Variants in FBXL17 observed in about 807,000 individuals in gnomAD.
FBXL17 encodes F-box/LRR-repeat protein 17.
A neutral mutation model predicts 66.2 loss-of-function variants in FBXL17; 22 were observed. The ratio of observed to expected loss-of-function variants is 0.33; its 90% CI spans 0.24 to 0.47. The LOEUF (loss-of-function observed/expected upper bound fraction) is 0.47, where lower values mean the gene tolerates loss of function less well. Among genes scored for constraint, FBXL17 ranks in the 20% least tolerant of loss-of-function variants. The probability of loss-of-function intolerance (pLI) is 1.00; values close to 1 mark genes in which losing one functional copy is unlikely to be tolerated. For missense variants in FBXL17, 878 were observed against 948.2 expected (o/e 0.93, Z 0.97); for synonymous variants, 474 against 400.5 (o/e 1.18, Z -2.19).
In FBXL17 at chr5:108,098,565, C is replaced by CA. The variant is rs751009634; in HGVS notation, c.1746-77565dup. Among the ~76,000 whole-genome samples the CA allele has an allele frequency of 5.3e-5, 8 of 151,680 alleles. 1 individual carries two copies. Among genetic ancestry groups the CA allele is most frequent in the East Asian group, 3.9e-4 (2 of 5,128 alleles). On this transcript the variant is annotated intron_variant, in intron 6 of 8. Transcript: ENST00000542267. ...TCGAGACCATCCTGGCTAACACGGT[C>CA]AAACCCCGTCTCTACTAAAAATACA...
intron 1 of FBXL17, among the ~76,000 whole-genome samples, chr5:108,373,011 C>A (rs945622904): frequency 6.6e-6 from 1 of 151,764 alleles, no homozygotes; most frequent in African/African-American, 2.4e-5. Flanking sequence ...ACAATAACAA[C>A]AAATACAGGA....
intron 4 of FBXL17, among the ~76,000 whole-genome samples, chr5:108,266,755 C>T (rs577374408): frequency 2.4e-4 from 37 of 152,120 alleles, no homozygotes; most frequent in Middle Eastern, 3.4e-3. Context: ...GCCATCACAC[C>T]TCAAAACAGC....
chr5:108,341,541 T>C (rs111635770), intron 4 of FBXL17, among the ~76,000 whole-genome samples: 198 of 152,300 alleles, frequency 1.3e-3, no homozygotes, highest in African/African-American at 4.7e-3. Context: ...CCTTTTTGTA[T>C]TCTATATTTT....
At chr5:108,145,545 T>A (rs1168230982) in intron 6 of FBXL17, among the ~76,000 whole-genome samples, 1 of 152,192 alleles carries the variant, frequency 6.6e-6, no homozygotes, top group Admixed American at 6.5e-5. Flanking sequence ...TACTTTCATT[T>A]ACTAACGCAG....
chr5:107,921,901 G>A (rs12515449), intron 7 of FBXL17, among the ~76,000 whole-genome samples: 21,356 of 152,186 alleles, frequency 0.14, 1,595 homozygotes, highest in Middle Eastern at 0.22. Context: ...GCACATGGGT[G>A]GGGCAGTATT....
At chr5:107,973,590 G>T (rs1195389287) in intron 7 of FBXL17, among the ~76,000 whole-genome samples, 1 of 151,806 alleles carries the variant, frequency 6.6e-6, no homozygotes, top group Non-Finnish European at 1.5e-5. Flanking sequence ...CCTTGAATTT[G>T]TTCCACAGTT....
rs372117135 is a variant in FBXL17 at position 108,095,755 on chromosome 5, G to A, written c.1746-74754C>T. Among the ~76,000 whole-genome samples the A allele has an allele frequency of 2.1e-4, 32 of 152,084 alleles. No individual in the cohort carries two copies. The South Asian group carries it at 6.4e-3, about 31-fold the overall frequency. On this transcript the variant is annotated intron_variant, in intron 6 of 8. Coordinates refer to ENST00000542267, the MANE Select transcript of FBXL17 (RefSeq NM_001163315.3). Reference sequence around the variant, plus strand: ...ATAAGAACTAATATGATGATAAATGGCATCATTCACAGAGTTTTCAACAGA... The same window carrying A: ...ATAAGAACTAATATGATGATAAATGACATCATTCACAGAGTTTTCAACAGA...
chr5:107,935,748 T>G (rs749385318), intron 7 of FBXL17, among the ~76,000 whole-genome samples: 1 of 152,218 alleles, frequency 6.6e-6, no homozygotes, highest in South Asian at 2.1e-4. Context: ...CAAGTCTGAA[T>G]AGAAATGCCA....
intron 4 of FBXL17, among the ~76,000 whole-genome samples, chr5:108,309,742 T>C (rs915099255): frequency 6.6e-6 from 1 of 152,072 alleles, no homozygotes; most frequent in South Asian, 2.1e-4. Context: ...AAACAGTGAC[T>C]GATTTTTGTA....
Position 107,980,341 on chromosome 5 carries a change from T to C in FBXL17, c.1822+40584A>G, listed in dbSNP as rs191956054. ...TTTAAAGAGTTGTCATGACTACCCT[T>C]CAATTAACTTAATCCTACAGGTATT... On this transcript the variant is annotated intron_variant, in intron 7 of 8. Transcript: ENST00000542267. Among the ~76,000 whole-genome samples the C allele has an allele frequency of 2.4e-3, 366 of 152,046 alleles. 1 individual carries two copies. The highest frequency in any genetic ancestry group is 8.3e-3 in the African/African-American group (344 of 41,490).
At chr5:108,105,069 C>T (rs1749742257) in intron 6 of FBXL17, among the ~76,000 whole-genome samples, 1 of 152,132 alleles carries the variant, frequency 6.6e-6, no homozygotes, top group Admixed American at 6.5e-5. Context: ...TCTGGATCTC[C>T]TGACCTTGTG....
At chr5:108,340,360 G>A (rs1307011390) in intron 4 of FBXL17, among the ~76,000 whole-genome samples, 2 of 150,600 alleles carry the variant, frequency 1.3e-5, no homozygotes, top group Admixed American at 6.6e-5. Context: ...AGACCAGCCT[G>A]GGCAATATAG....
intron 6 of FBXL17, among the ~76,000 whole-genome samples, chr5:108,045,615 T>C (rs1462423788): frequency 1.3e-5 from 2 of 152,224 alleles, no homozygotes; most frequent in Non-Finnish European, 2.9e-5. Flanking sequence ...TAGCACTATT[T>C]TAGCAGTTTT....
At chr5:108,225,775 TC>T (rs529692397) in intron 4 of FBXL17, among the ~76,000 whole-genome samples, 53 of 152,304 alleles carry the variant, frequency 3.5e-4, no homozygotes, top group Middle Eastern at 3.4e-3. Flanking sequence ...CTCATAGTAA[TC>T]AAGGTTTTGT....
chr5:108,219,338 G>C (rs542678231), intron 5 of FBXL17, among the ~76,000 whole-genome samples: 64 of 152,218 alleles, frequency 4.2e-4, no homozygotes, highest in African/African-American at 1.5e-3. Context: ...TTGGTAGTCA[G>C]TGTTTTTCAA....
At chr5:107,897,497 C>T (rs1325388402) in intron 7 of FBXL17, among the ~76,000 whole-genome samples, 3 of 152,066 alleles carry the variant, frequency 2.0e-5, no homozygotes, top group South Asian at 2.1e-4. Context: ...TCCCTGAAGT[C>T]GAGAAGCACC....
intron 4 of FBXL17, among the ~76,000 whole-genome samples, chr5:108,265,744 AC>A (rs1245425000): frequency 1.1e-4 from 16 of 152,136 alleles, no homozygotes; most frequent in African/African-American, 3.6e-4. Flanking sequence ...TTTATTCTAA[AC>A]CAGAGCATCT....
intron 4 of FBXL17, among the ~76,000 whole-genome samples, chr5:108,319,644 A>C (rs1302843870): frequency 6.6e-6 from 1 of 151,820 alleles, no homozygotes; most frequent in Non-Finnish European, 1.5e-5. Context: ...CGTTTATTTT[A>C]AATGAACAAA....
At chr5:107,878,790 G>A in intron 8 of FBXL17, 1 of 985,466 alleles carries the variant, frequency 1.0e-6, no homozygotes, top group Non-Finnish European at 1.2e-6. Flanking sequence ...CATCCTCACA[G>A]AGCCTCTCGT....
Sources: allele counts gnomAD v4.1 joint callset (sites outside exome capture counted in the v4.1 genomes callset), GRCh38; gene constraint gnomAD v4.1.1; transcripts MANE v1.5; gene names NCBI Gene and HGNC (gene_info 2026-07-23, HGNC 2026-07-21).